The following CAPN10 variants were observed in gnomAD, a reference collection of about 807,000 sequenced individuals.
CAPN10 encodes the protein calpain 10, also known as calpain-10.
CAPN10 carries 71 observed loss-of-function variants against 78.4 expected under a neutral mutation model. That is an observed-to-expected ratio of 0.91 (90% CI 0.75 to 1.10). The LOEUF (loss-of-function observed/expected upper bound fraction) is 1.10, where lower values mean the gene tolerates loss of function less well. CAPN10 is among the 50% of genes least tolerant of loss of function. The pLI is 0.00. For synonymous variants in CAPN10, 437 were observed against 407.2 expected (o/e 1.07, Z -0.88); for missense variants, 849 against 924.6 (o/e 0.92, Z 1.06).
In CAPN10 at chr2:240,593,851, A is replaced by C. The variant is rs1575449119; in HGVS notation, c.689-55A>C. ...AGGCAGAGGCCTGTGTGTCCTTGTC[A>C]GTTTGGGACTCCATGGTGCCCTTCC... On this transcript the variant is annotated intron_variant, in intron 4 of 11. Transcript: ENST00000391984. 48 of 1,527,252 alleles carry C rather than the reference A, an allele frequency of 3.1e-5. No homozygotes were observed. In the South Asian group the frequency reaches 5.9e-4, roughly 19 times the overall value. 94.6% of individuals were successfully genotyped at this position (1,527,252 alleles called of 1,614,324 possible). A position where few individuals can be genotyped will look rare whatever the true frequency, so the allele number is the denominator to read the frequency against.
chr2:240,595,459 G>A (rs149641338), intron 7 of CAPN10, 155 bp downstream of exon 7: 12,985 of 763,422 alleles, frequency 0.017, 192 homozygotes, highest in Non-Finnish European at 0.019. Context: ...CGGGGTTGAC[G>A]TCTGCTGGTG....
intron 11 of CAPN10, 121 bp from the exon 12 acceptor site, chr2:240,598,530 G>A (rs527283613): frequency 4.3e-5 from 62 of 1,439,166 alleles, no homozygotes; most frequent in Non-Finnish European, 5.2e-5. Flanking sequence ...TGAGAGCCCC[G>A]GGCGGTGCCT....
chr2:240,593,195 C>T (rs970770064), intron 4 of CAPN10, among the ~76,000 whole-genome samples: 2 of 152,190 alleles, frequency 1.3e-5, no homozygotes, highest in Non-Finnish European at 2.9e-5. Context: ...GGTGGGGTAG[C>T]GCTAAGTCCT....
chr2:240,589,579 C>A (rs2093088728), intron 2 of CAPN10, 105 bp downstream of exon 2: 2 of 1,386,550 alleles, frequency 1.4e-6, no homozygotes, highest in South Asian at 1.4e-5. Context: ...TGTGCCGCAG[C>A]CGGATCTCCT....
intron 3 of CAPN10, 70 bp downstream of exon 3, chr2:240,591,081 A>G: frequency 2.7e-6 from 4 of 1,461,092 alleles, no homozygotes; most frequent in Admixed American, 1.8e-5. Flanking sequence ...GGGCTGCCCC[A>G]GGAGGGTCTC....
chr2:240,590,200 C>A (rs995430269), intron 2 of CAPN10: 1 of 152,242 alleles, frequency 6.6e-6, no homozygotes, highest in African/African-American at 2.4e-5. Context: ...CACCAGGTGC[C>A]TGGTGCCCAG....
intron 11 of CAPN10, 113 bp downstream of exon 11, chr2:240,598,510 ACT>A (rs2093151729): frequency 6.8e-7 from 1 of 1,460,288 alleles, no homozygotes; most frequent in Non-Finnish European, 9.5e-7. Context: ...GGTGCCCTTG[ACT>A]CTTCCTGTGA....
At position 240,586,938 on chromosome 2, in the gene CAPN10, G is replaced by A; in HGVS notation, c.27G>A (p.Pro9=). MRAGRGAT[P]ARELFRDAAF... The stretch of plus-strand genomic sequence containing the variant: ...TGCGGGCGGGCCGGGGCGCGACGCC[G>A]GCGAGGGAGCTGTTCCGGGACGCCG... Residue 9 remains proline (P), a synonymous_variant, in exon 1 of 12, where the codon CCG becomes CCA. Transcript: ENST00000391984. The A allele has an allele frequency of 1.4e-6, 2 of 1,455,560 alleles. No homozygotes were observed. Among genetic ancestry groups the A allele is most frequent in the Non-Finnish European group, 1.8e-6 (2 of 1,104,884 alleles). 90.2% of individuals were successfully genotyped at this position (1,455,560 alleles called of 1,614,324 possible). A position where few individuals can be genotyped will look rare whatever the true frequency, so the allele number is the denominator to read the frequency against.
rs1369465104 is a variant in CAPN10 at position 240,598,868 on chromosome 2, G to C, written c.*188G>C. The stretch of plus-strand genomic sequence containing the variant: ...CCGTCAGGAGAGACGCAGCCCTGGG[G>C]GCCAGCTGGTGCTGCAAGGAAGGGT... On this transcript the variant is annotated 3_prime_UTR_variant, in exon 12 of 12. Transcript: ENST00000391984. 1.6e-6 allele frequency: 1 copy of C among 615,686 alleles called. No homozygotes were observed. The highest frequency in any genetic ancestry group is 1.9e-5 in the African/African-American group (1 of 53,982). 38.1% of individuals were successfully genotyped at this position (615,686 alleles called of 1,614,324 possible). A position where few individuals can be genotyped will look rare whatever the true frequency, so the allele number is the denominator to read the frequency against.
At position 240,586,989 on chromosome 2, in the gene CAPN10, C is replaced by CAG. The variant is rs2093072249; in HGVS notation, c.78_79insAG (p.Phe27SerfsTer40). ...CCTTCCCCGCCGCGGACTCCTCGCT[C>CAG]TTCTGCGACTTGTCTACGCCGCTGG... On this transcript the variant is annotated frameshift_variant, in exon 1 of 12. Transcript: ENST00000391984. LOFTEE classifies it high-confidence loss of function. 2 of 1,486,466 alleles carry CAG rather than the reference C, an allele frequency of 1.3e-6. No individual in the cohort carries two copies. Among genetic ancestry groups the CAG allele is most frequent in the Non-Finnish European group, 1.8e-6 (2 of 1,117,768 alleles). The allele number at this position is 1,486,466 out of a possible 1,614,324, so 92.1% of individuals were successfully genotyped here.
chr2:240,595,992 G>C (rs1251589548), intron 7 of CAPN10: 4 of 1,415,152 alleles, frequency 2.8e-6, no homozygotes, highest in Middle Eastern at 1.9e-4. Context: ...CCCACATGAT[G>C]TTCCTTTCCT....
chr2:240,592,296 G>A, intron 4 of CAPN10, 146 bp downstream of exon 4: 1 of 767,782 alleles, frequency 1.3e-6, no homozygotes, highest in Non-Finnish European at 2.2e-6. Context: ...CAAGGGTGGT[G>A]TCCTCAGTTT....
At chr2:240,598,423 G>A in intron 11 of CAPN10, 26 bp downstream of exon 11, 2 of 1,613,042 alleles carry the variant, frequency 1.2e-6, no homozygotes. Flanking sequence ...CGCCAGCCCG[G>A]CTCACCTGCC....
At chr2:240,594,119 C>A in intron 5 of CAPN10, 72 bp downstream of exon 5, 1 of 1,442,350 alleles carries the variant, frequency 6.9e-7, no homozygotes, top group South Asian at 1.4e-5. Context: ...GTGTCCTGGT[C>A]ACCTTCAGCT....
chr2:240,593,231 C>T (rs1042652690), intron 4 of CAPN10, among the ~76,000 whole-genome samples: 1 of 152,194 alleles, frequency 6.6e-6, no homozygotes, highest in East Asian at 1.9e-4. Flanking sequence ...AGAGGAAGCC[C>T]CCAGGCAGAG....
intron 8 of CAPN10, 65 bp from the exon 9 acceptor site, chr2:240,596,616 C>T: frequency 6.5e-7 from 1 of 1,532,154 alleles, no homozygotes; most frequent in African/African-American, 1.4e-5. Flanking sequence ...GGCAGGTGTC[C>T]ATGTGGGAAC....
Position 240,590,901 on chromosome 2 carries a change from G to A in CAPN10, c.360G>A (p.Val120=). 1 of 1,614,232 alleles carries A rather than the reference G, an allele frequency of 6.2e-7. No individual in the cohort carries two copies. Among genetic ancestry groups the A allele is most frequent in the African/African-American group, 1.3e-5 (1 of 75,078 alleles). Residue 120 remains valine (V), a synonymous_variant, in exon 3 of 12, where the codon GTG becomes GTA. Coordinates refer to ENST00000391984, the MANE Select transcript of CAPN10 (RefSeq NM_023083.4). The stretch of plus-strand genomic sequence containing the variant: ...GCATTTGGCAGTTTGGACGCTGGGT[G>A]GAGGTGACCACAGATGACCGCCTGC... The part of the protein sequence containing the change: ...TCRIWQFGRW[V]EVTTDDRLPC...
Position 240,594,026 on chromosome 2 carries a change from G to C in CAPN10, c.809G>C (p.Trp270Ser), listed in dbSNP as rs1248035804. The stretch of plus-strand genomic sequence containing the variant: ...CAGAACCCCTGGGGCCGGCGGTGCT[G>C]GCAGGGGCTCTGGAGAGAGGGGTGA... ...RIQNPWGRRC[W>S]QGLWREGGEG... The change falls in exon 5 of 12, where the codon TGG becomes TCG. Residue 270 changes from tryptophan to serine, a missense_variant. Coordinates refer to ENST00000391984, the MANE Select transcript of CAPN10 (RefSeq NM_023083.4). 1.2e-6 allele frequency: 2 copies of C among 1,607,450 alleles called. No homozygotes were observed. Among genetic ancestry groups the C allele is most frequent in the Non-Finnish European group, 8.5e-7 (1 of 1,176,234 alleles).
intron 9 of CAPN10, among the ~76,000 whole-genome samples, chr2:240,597,333 CCAGGCTGGCTGGCCA>C (rs1231940783): frequency 6.6e-6 from 1 of 152,196 alleles, no homozygotes; most frequent in African/African-American, 2.4e-5. Context: ...GAGGGGAGGC[CCAGGCTGGCTGGCCA>C]CAGCAGCCCC....
Sources: gnomAD v4.1 joint callset for allele counts (sites outside exome capture counted in the v4.1 genomes callset) on GRCh38, gnomAD v4.1.1 for gene constraint, MANE v1.5 for transcripts, NCBI Gene and HGNC (gene_info 2026-07-23, HGNC 2026-07-21) for gene names.